The following AFF3 variants were observed in gnomAD, a reference collection of about 807,000 sequenced individuals.
The protein encoded by AFF3 is ALF transcription elongation factor 3, also known as AF4/FMR2 family member 3.
A neutral mutation model predicts 129.7 loss-of-function variants in AFF3; 32 were observed. The ratio of observed to expected loss-of-function variants is 0.25; its 90% CI spans 0.19 to 0.33. AFF3 has a LOEUF of 0.33. Among genes scored for constraint, AFF3 ranks in the 10% least tolerant of loss-of-function variants. The pLI is 1.00. For synonymous variants in AFF3, 644 were observed against 635.4 expected (o/e 1.01, Z -0.20); for missense variants, 1,373 against 1,592.0 (o/e 0.86, Z 2.34).
chr2:99,877,952 A>T, intron 7 of AFF3, among the ~76,000 whole-genome samples: 1 of 152,220 alleles, frequency 6.6e-6, no homozygotes. Flanking sequence ...GGATGAACAC[A>T]TCAAATCAAA....
intron 7 of AFF3, among the ~76,000 whole-genome samples, chr2:99,883,886 A>T (rs1692908866): frequency 6.6e-6 from 1 of 152,252 alleles, no homozygotes; most frequent in African/African-American, 2.4e-5. Flanking sequence ...TAAAAATGGT[A>T]CAGACTTTAT....
At chr2:99,573,221 C>G (rs1055317535) in intron 18 of AFF3, among the ~76,000 whole-genome samples, 2 of 152,124 alleles carry the variant, frequency 1.3e-5, no homozygotes, top group African/African-American at 4.8e-5. Flanking sequence ...TGTCTCCGCA[C>G]CCTGTCCCCC....
intron 2 of AFF3, among the ~76,000 whole-genome samples, chr2:100,126,470 G>T (rs1056356872): frequency 1.9e-4 from 29 of 152,190 alleles, no homozygotes; most frequent in African/African-American, 7.0e-4. Flanking sequence ...GCTGCACGGG[G>T]ATTAGGCTTG....
intron 1 of AFF3, among the ~76,000 whole-genome samples, chr2:100,139,087 G>A (rs943860808): frequency 6.6e-6 from 1 of 152,174 alleles, no homozygotes. Flanking sequence ...ATGAAGGGCG[G>A]AAGGGAAGTG....
At chr2:99,879,409 C>A (rs562443222) in intron 7 of AFF3, among the ~76,000 whole-genome samples, 5 of 152,212 alleles carry the variant, frequency 3.3e-5, no homozygotes, top group East Asian at 3.9e-4. Flanking sequence ...GCTCCATAAA[C>A]GTGTATAACA....
chr2:99,596,075 A>G (rs1294797362), intron 14 of AFF3, among the ~76,000 whole-genome samples: 9 of 152,240 alleles, frequency 5.9e-5, no homozygotes, highest in Non-Finnish European at 1.3e-4. Flanking sequence ...TGGCCCCGAC[A>G]CAGATTCTGG....
chr2:100,030,603 AAAGCAATCAAG>A (rs1169638561), intron 4 of AFF3, among the ~76,000 whole-genome samples: 1 of 152,256 alleles, frequency 6.6e-6, no homozygotes, highest in African/African-American at 2.4e-5. Context: ...CCAAAATCTG[AAAGCAATCAAG>A]ATGCACTTCA....
intron 9 of AFF3, among the ~76,000 whole-genome samples, chr2:99,747,340 A>AT (rs1221534135): frequency 2.0e-5 from 3 of 149,982 alleles, no homozygotes; most frequent in Non-Finnish European, 4.4e-5. Context: ...TATCTTATTT[A>AT]TTTTTTAGAG....
intron 1 of AFF3, among the ~76,000 whole-genome samples, chr2:100,138,228 G>A (rs972437716): frequency 6.6e-6 from 1 of 152,186 alleles, no homozygotes; most frequent in African/African-American, 2.4e-5. Context: ...GTCTAATGGA[G>A]GGTCTACCTT....
intron 7 of AFF3, among the ~76,000 whole-genome samples, chr2:99,872,163 G>A (rs185853113): frequency 0.045 from 5,974 of 132,778 alleles, 130 homozygotes; most frequent in African/African-American, 0.064. Context: ...CCGAGATCGC[G>A]CCACTGCACT....
intron 7 of AFF3, among the ~76,000 whole-genome samples, chr2:99,900,023 A>C (rs2106137029): frequency 6.6e-6 from 1 of 152,350 alleles, no homozygotes; most frequent in Middle Eastern, 3.4e-3. Context: ...TGATCCCATA[A>C]GATTTCAATG....
intron 7 of AFF3, among the ~76,000 whole-genome samples, chr2:99,899,825 T>C (rs1216095009): frequency 1.3e-5 from 2 of 152,260 alleles, no homozygotes; most frequent in African/African-American, 2.4e-5. Context: ...CATTTGTTTC[T>C]GCCTTATTAG....
At chr2:99,618,986 G>A (rs906852954) in intron 13 of AFF3, among the ~76,000 whole-genome samples, 4 of 152,124 alleles carry the variant, frequency 2.6e-5, no homozygotes, top group Non-Finnish European at 5.9e-5. Context: ...GCCTCAAACA[G>A]TTCTCCCAGC....
rs566887298 is a variant in AFF3, at chr2:99,836,561, C to T, written c.921+916G>A. On this transcript the variant is annotated intron_variant, in intron 8 of 24. Coordinates refer to ENST00000672756, the MANE Select transcript of AFF3 (RefSeq NM_001386135.1). ...ACTTAGATTTATTTATGAAATAATG[C>T]TTTCCAGAAAGAAAAACATCTGGCC... 9.2e-5 allele frequency among the ~76,000 whole-genome samples: 14 copies of T among 152,144 alleles called. No individual in the cohort carries two copies. The South Asian group carries it at 2.7e-3, about 29-fold the overall frequency.
chr2:99,658,398 T>C (rs1333260596), intron 12 of AFF3, among the ~76,000 whole-genome samples: 1 of 151,980 alleles, frequency 6.6e-6, no homozygotes, highest in Non-Finnish European at 1.5e-5. Flanking sequence ...GTTATTAGTG[T>C]TCACCATGAT....
At chr2:99,609,611 T>C (rs192307382) in intron 13 of AFF3, among the ~76,000 whole-genome samples, 6 of 152,368 alleles carry the variant, frequency 3.9e-5, no homozygotes, top group African/African-American at 1.4e-4. Flanking sequence ...ATACACCACA[T>C]TTTCTTTATC....
intron 7 of AFF3, among the ~76,000 whole-genome samples, chr2:99,888,922 A>G (rs1693328500): frequency 6.6e-6 from 1 of 152,226 alleles, no homozygotes; most frequent in African/African-American, 2.4e-5. Flanking sequence ...TCATTAAAGT[A>G]AGAAAACAGG....
chr2:99,955,768 C>T (rs941848629), intron 7 of AFF3, among the ~76,000 whole-genome samples: 1 of 152,324 alleles, frequency 6.6e-6, no homozygotes. Flanking sequence ...AAGCGGGACA[C>T]TGTTCCATGA....
chr2:99,617,117 A>T (rs1184876135), intron 13 of AFF3, among the ~76,000 whole-genome samples: 1 of 152,240 alleles, frequency 6.6e-6, no homozygotes, highest in Admixed American at 6.5e-5. Context: ...CACTATGAGC[A>T]TTCATGTCTA....
Sources: gnomAD v4.1 joint callset for allele counts (sites outside exome capture counted in the v4.1 genomes callset) on GRCh38, gnomAD v4.1.1 for gene constraint, MANE v1.5 for transcripts, NCBI Gene and HGNC (gene_info 2026-07-23, HGNC 2026-07-21) for gene names.